IMMP2L: variants seen among roughly 807,000 people sequenced by gnomAD.
The protein encoded by IMMP2L is inner mitochondrial membrane peptidase subunit 2.
A neutral mutation model predicts 19.3 loss-of-function variants in IMMP2L; 18 were observed. The observed-to-expected ratio is 0.93, with a 90% CI of 0.64 to 1.38. The LOEUF is 1.38. IMMP2L is among the 40% of genes most tolerant of loss of function. The pLI, the probability that IMMP2L is intolerant of heterozygous loss-of-function variation, is 0.00. For synonymous variants in IMMP2L, 76 were observed against 73.0 expected, an observed-to-expected ratio of 1.04 and a Z score of -0.21; for missense variants, 233 against 218.2, an observed-to-expected ratio of 1.07 and a Z score of -0.43.
At chr7:111,330,826 T>C (rs1403047759) in intron 3 of IMMP2L, among the ~76,000 whole-genome samples, 1 of 151,652 alleles carries the variant, frequency 6.6e-6, no homozygotes, top group Non-Finnish European at 1.5e-5. Context: ...TATGAAAAAA[T>C]GTTCAACATC....
At chr7:111,391,763 C>CA in intron 3 of IMMP2L, 1 of 591,766 alleles carries the variant, frequency 1.7e-6, no homozygotes, top group Non-Finnish European at 3.0e-6. Flanking sequence ...GGCAAAAAGA[C>CA]AAACAACTAC....
intron 3 of IMMP2L, among the ~76,000 whole-genome samples, chr7:111,239,220 C>T (rs1814706219): frequency 6.6e-6 from 1 of 151,884 alleles, no homozygotes; most frequent in African/African-American, 2.4e-5. Flanking sequence ...CTATGAGTAA[C>T]TACTACTTTA....
rs74917239 is a variant in IMMP2L at position 111,472,337 on chromosome 7, G to T, written c.239+14901C>A. ...AAACTACTCTCAACCATTATTATCT[G>T]CCATTTGATAGTGGTAACTTACTAA... On this transcript the variant is annotated intron_variant, in intron 3 of 5. Coordinates refer to ENST00000405709, the MANE Select transcript of IMMP2L (RefSeq NM_032549.4). Among the ~76,000 whole-genome samples, 675 of 152,138 alleles carry T rather than the reference G, an allele frequency of 4.4e-3. 11 individuals carry two copies. Among genetic ancestry groups the T allele is most frequent in the African/African-American group, 0.016 (651 of 41,524 alleles).
chr7:110,730,713 G>A (rs1179009136), intron 5 of IMMP2L, among the ~76,000 whole-genome samples: 1 of 152,040 alleles, frequency 6.6e-6, no homozygotes, highest in Non-Finnish European at 1.5e-5. Flanking sequence ...TTTCAGTAGA[G>A]ACGGGGTTTC....
intron 4 of IMMP2L, among the ~76,000 whole-genome samples, chr7:110,915,553 T>C (rs1023138767): frequency 6.6e-6 from 1 of 152,188 alleles, no homozygotes; most frequent in Non-Finnish European, 1.5e-5. Context: ...GCATGGCAAC[T>C]ACAGTTAATA....
chr7:111,387,548 G>T (rs1480910653), intron 3 of IMMP2L, among the ~76,000 whole-genome samples: 1 of 152,038 alleles, frequency 6.6e-6, no homozygotes, highest in Non-Finnish European at 1.5e-5. Flanking sequence ...AATATAGATG[G>T]TTTCTTATTC....
At chr7:110,692,466 A>C (rs533778675) in intron 5 of IMMP2L, among the ~76,000 whole-genome samples, 12 of 152,026 alleles carry the variant, frequency 7.9e-5, no homozygotes, top group African/African-American at 2.9e-4. Flanking sequence ...CATGTAATCA[A>C]AAGCCACTTG....
chr7:111,028,481 T>C (rs1827087060), intron 3 of IMMP2L, among the ~76,000 whole-genome samples: 1 of 152,124 alleles, frequency 6.6e-6, no homozygotes, highest in South Asian at 2.1e-4. Flanking sequence ...ATCATCTTCT[T>C]TCTAAACAAA....
rs1799026603 is a variant in IMMP2L, at chr7:110,771,436, TG to T, written c.409-107716del. On this transcript the variant is annotated intron_variant, in intron 5 of 5. Coordinates refer to ENST00000405709, the MANE Select transcript of IMMP2L (RefSeq NM_032549.4). ...AAAAGGACCTTGGCAGTGGAGCTAC[TG>T]GAGCAGGGTGGTTGAGAGCAGGGAC... is the stretch of plus-strand genomic sequence containing the variant. Among the ~76,000 whole-genome samples, 4 of 152,264 alleles carry T rather than the reference TG, an allele frequency of 2.6e-5. No individual in the cohort carries two copies. In the South Asian group the frequency reaches 8.3e-4, roughly 32 times the overall value.
chr7:111,166,387 TATTA>T (rs1190320807), intron 3 of IMMP2L, among the ~76,000 whole-genome samples: 1 of 152,010 alleles, frequency 6.6e-6, no homozygotes, highest in Non-Finnish European at 1.5e-5. Flanking sequence ...AAGTAAACTT[TATTA>T]TTTATTATAT....
At chr7:110,706,979 T>C (rs114478792) in intron 5 of IMMP2L, among the ~76,000 whole-genome samples, 1,579 of 145,218 alleles carry the variant, frequency 0.011, 33 homozygotes, top group African/African-American at 0.038. Context: ...CAGTTTGAGG[T>C]GTTACACTTA....
chr7:110,812,422 C>T (rs1310315260), intron 5 of IMMP2L, among the ~76,000 whole-genome samples: 1 of 151,904 alleles, frequency 6.6e-6, no homozygotes, highest in Non-Finnish European at 1.5e-5. Context: ...GGAGAAAGTC[C>T]TATGGAAGTG....
intron 1 of IMMP2L, among the ~76,000 whole-genome samples, chr7:111,557,234 C>G (rs1791471563): frequency 1.3e-5 from 2 of 151,966 alleles, no homozygotes; most frequent in South Asian, 2.1e-4. Flanking sequence ...CAACCCCACT[C>G]TACCCTCAAT....
At chr7:111,164,295 C>T (rs1018564187) in intron 3 of IMMP2L, among the ~76,000 whole-genome samples, 2 of 152,012 alleles carry the variant, frequency 1.3e-5, no homozygotes, top group South Asian at 4.1e-4. Flanking sequence ...GTGCTGACAA[C>T]AAGGTAGAGC....
intron 3 of IMMP2L, among the ~76,000 whole-genome samples, chr7:111,311,650 T>C (rs1823532672): frequency 6.6e-6 from 1 of 152,112 alleles, no homozygotes; most frequent in South Asian, 2.1e-4. Flanking sequence ...GTGAACTGGC[T>C]CCGGTCTAGA....
chr7:110,897,985 A>G (rs1811492397), intron 4 of IMMP2L, among the ~76,000 whole-genome samples: 1 of 151,900 alleles, frequency 6.6e-6, no homozygotes. Context: ...AGAACTCAAT[A>G]AGAATAAAAG....
At chr7:111,290,672 C>T (rs1820991692) in intron 3 of IMMP2L, among the ~76,000 whole-genome samples, 1 of 152,012 alleles carries the variant, frequency 6.6e-6, no homozygotes, top group Non-Finnish European at 1.5e-5. Flanking sequence ...CTGTGATACA[C>T]AGATATGTGA....
chr7:110,932,013 T>C (rs2129551843), intron 4 of IMMP2L, among the ~76,000 whole-genome samples: 1 of 152,282 alleles, frequency 6.6e-6, no homozygotes, highest in East Asian at 1.9e-4. Context: ...TGAACCCTCA[T>C]GCACACCTAC....
intron 3 of IMMP2L, among the ~76,000 whole-genome samples, chr7:111,112,981 TA>T (rs376756139): frequency 3.3e-5 from 5 of 152,190 alleles, no homozygotes; most frequent in African/African-American, 1.2e-4. Context: ...CAATTCTTAG[TA>T]AAAACGTAAA....
Sources: gnomAD v4.1 joint callset for allele counts (sites outside exome capture counted in the v4.1 genomes callset) on GRCh38, gnomAD v4.1.1 for gene constraint, MANE v1.5 for transcripts, NCBI Gene and HGNC (gene_info 2026-07-23, HGNC 2026-07-21) for gene names.